STAB2: variants seen among roughly 807,000 people sequenced by gnomAD.
STAB2 encodes stabilin 2, also known as stabilin-2.
Under a neutral mutation model 338.1 loss-of-function variants are expected in STAB2, and 288 were observed. The observed-to-expected ratio is 0.85, with a 90% CI of 0.77 to 0.94. The LOEUF is 0.94. STAB2 is among the 40% of genes least tolerant of loss of function. The probability of loss-of-function intolerance (pLI) is 0.00; values close to 1 mark genes in which losing one functional copy is unlikely to be tolerated. For missense variants in STAB2, 3,141 were observed against 3,210.1 expected, an observed-to-expected ratio of 0.98 and a Z score of 0.52; for synonymous variants, 1,202 against 1,193.3, an observed-to-expected ratio of 1.01 and a Z score of -0.15.
chr12:103,736,918 G>C (rs1882176810), intron 52 of STAB2, among the ~76,000 whole-genome samples: 1 of 152,146 alleles, frequency 6.6e-6, no homozygotes, highest in South Asian at 2.1e-4. Flanking sequence ...TACTAGCTGG[G>C]TGACCTCAGG....
At chr12:103,708,344 G>C in intron 38 of STAB2, 97 bp from the exon 39 acceptor site, 10 of 1,195,848 alleles carry the variant, frequency 8.4e-6, no homozygotes, top group Non-Finnish European at 1.2e-5. Context: ...GAAGTAGGTT[G>C]GAGAATTAAG....
chr12:103,603,189 G>T (rs560143588), intron 3 of STAB2, among the ~76,000 whole-genome samples: 9 of 152,216 alleles, frequency 5.9e-5, no homozygotes, highest in African/African-American at 2.2e-4. Flanking sequence ...TCCTGTCTCA[G>T]CCTCCCGAGT....
chr12:103,705,523 A>G (rs1879268008), intron 36 of STAB2, 109 bp from the exon 37 acceptor site: 3 of 846,746 alleles, frequency 3.5e-6, no homozygotes, highest in Admixed American at 2.2e-5. Flanking sequence ...TTCTCTTCCC[A>G]CAACACTTTA....
At chr12:103,636,879 T>C (rs1343807349) in intron 6 of STAB2, among the ~76,000 whole-genome samples, 7 of 152,240 alleles carry the variant, frequency 4.6e-5, no homozygotes, top group Non-Finnish European at 5.9e-5. Context: ...GATTCTATTT[T>C]GTTACAAAAT....
chr12:103,690,569 G>T, intron 30 of STAB2, 31 bp downstream of exon 30: 1 of 1,571,168 alleles, frequency 6.4e-7, no homozygotes, highest in Non-Finnish European at 8.7e-7. Context: ...CTGTTTACTT[G>T]AAACATAACA....
rs781743024 is a variant in STAB2 at position 103,761,403 on chromosome 12, C to T, written c.7352C>T (p.Ala2451Val). 2 of 1,613,386 alleles carry T rather than the reference C, an allele frequency of 1.2e-6. No homozygotes were observed. Among genetic ancestry groups the T allele is most frequent in the Admixed American group, 1.7e-5 (1 of 60,018 alleles). The change falls in exon 66 of 69, where the codon GCC (alanine) becomes GTC (valine). Residue 2451 changes from alanine to valine, a missense_variant. By Grantham distance (64) the Ala-to-Val change is moderately conservative. Transcript: ENST00000388887. The stretch of plus-strand genomic sequence containing the variant: ...TCCAGGCCTTTAAAAGCACCCCCTG[C>T]CCCCGTGGTGAGTATCTAGGGTCCC... ...VISRPLKAPP[A>V]PVTLTHTGLG...
At chr12:103,675,239 A>G (rs1876227540) in intron 23 of STAB2, among the ~76,000 whole-genome samples, 1 of 152,224 alleles carries the variant, frequency 6.6e-6, no homozygotes, top group Non-Finnish European at 1.5e-5. Flanking sequence ...GGTTGAATAG[A>G]TGAATGAATG....
rs183710340 is a variant in STAB2 at position 103,723,553 on chromosome 12, A to G, written c.4684-1422A>G. Among the ~76,000 whole-genome samples, 320 of 152,328 alleles carry G rather than the reference A, an allele frequency of 2.1e-3. 3 individuals are homozygous for G. Among genetic ancestry groups the G allele is most frequent in the Non-Finnish European group, 1.0e-3 (71 of 68,034 alleles). The stretch of plus-strand genomic sequence containing the variant: ...GCAAACCGTAACATCATCTCTAGAG[A>G]GAGGGAAATTAAATGTACTGCAAAA... On this transcript the variant is annotated intron_variant, in intron 44 of 68. Transcript: ENST00000388887.
chr12:103,737,516 A>T (rs963733420), intron 52 of STAB2, 118 bp from the exon 53 acceptor site: 7 of 1,097,376 alleles, frequency 6.4e-6, no homozygotes, highest in Non-Finnish European at 8.9e-6. Context: ...TGAGTCTTGC[A>T]GTTACTGGCC....
chr12:103,674,189 T>C (rs1876115143), intron 23 of STAB2, 102 bp downstream of exon 23: 11 of 1,272,448 alleles, frequency 8.6e-6, no homozygotes, highest in Non-Finnish European at 1.1e-5. Context: ...CCAACCCATA[T>C]CTGAACTCTG....
chr12:103,750,412 G>A (rs1883522454), intron 59 of STAB2, among the ~76,000 whole-genome samples, 167 bp from the exon 60 acceptor site: 1 of 152,220 alleles, frequency 6.6e-6, no homozygotes, highest in South Asian at 2.1e-4. Flanking sequence ...TTCATCATAA[G>A]CCTGCATAAA....
chr12:103,599,962 T>C (rs1956930654), intron 3 of STAB2, among the ~76,000 whole-genome samples: 1 of 152,252 alleles, frequency 6.6e-6, no homozygotes, highest in Non-Finnish European at 1.5e-5. Flanking sequence ...ACTCAAATTC[T>C]TAAGTTAGGC....
At chr12:103,666,179 G>A in intron 18 of STAB2, 112 bp from the exon 19 acceptor site, 1 of 1,039,770 alleles carries the variant, frequency 9.6e-7, no homozygotes, top group East Asian at 2.4e-5. Flanking sequence ...CCAGGATCAT[G>A]GCTCAGTGGG....
At chr12:103,689,207 G>A (rs1877704293) in intron 28 of STAB2, among the ~76,000 whole-genome samples, 1 of 152,170 alleles carries the variant, frequency 6.6e-6, no homozygotes, top group Non-Finnish European at 1.5e-5. Context: ...AGGTGGCTGG[G>A]CGCAGTGGCT....
chr12:103,620,421 T>C (rs911115255), intron 3 of STAB2, 47 bp from the exon 4 acceptor site: 1 of 1,514,198 alleles, frequency 6.6e-7, no homozygotes, highest in Non-Finnish European at 9.0e-7. Context: ...TGCAGAATGC[T>C]TGTGTGCAGT....
chr12:103,624,198 G>A (rs1957346398), intron 5 of STAB2, among the ~76,000 whole-genome samples: 2 of 152,184 alleles, frequency 1.3e-5, no homozygotes, highest in African/African-American at 4.8e-5. Flanking sequence ...AATCCATAAG[G>A]TCCTCTTAGG....
In STAB2 at chr12:103,654,928, A is replaced by T. The variant is rs1173352713; in HGVS notation, c.1551+230A>T. On this transcript the variant is annotated intron_variant, in intron 13 of 68. Transcript: ENST00000388887. ...GTGGGAAAGATCTGGATTTTTTTTTACCTCTTTTATTACTGCATCAGGCAA... is the reference window on the plus strand; with the variant it reads ...GTGGGAAAGATCTGGATTTTTTTTTTCCTCTTTTATTACTGCATCAGGCAA... 14 of 564,040 alleles carry T rather than the reference A, an allele frequency of 2.5e-5. No homozygotes were observed. In the East Asian group the frequency reaches 4.0e-4, roughly 16 times the overall value. 34.9% of individuals were successfully genotyped at this position (564,040 alleles called of 1,614,324 possible).
Position 103,695,738 on chromosome 12 carries a change from A to C in STAB2, c.3476A>C (p.Gln1159Pro), listed in dbSNP as rs1278916104. 3 of 1,614,228 alleles carry C rather than the reference A, an allele frequency of 1.9e-6. No individual in the cohort carries two copies. The Admixed American group carries it at 5.0e-5, about 27-fold the overall frequency. The change falls in exon 33 of 69, where the codon CAA becomes CCA. Residue 1159 changes from glutamine (Q) to proline (P), a missense_variant and splice_region_variant. Gln to Pro is a moderately conservative substitution (Grantham distance 76). Coordinates refer to ENST00000388887, the MANE Select transcript of STAB2 (RefSeq NM_017564.10). ...CACTCTTGTCTCTTTCCATCGCAGC[A>C]ATATAATCTGGCGAATGCAATTGAG... ...DYSIFRGYIIQYNLANAIEAA... is the reference protein window; with the variant it reads ...DYSIFRGYIIPYNLANAIEAA...
In STAB2 at chr12:103,724,898, T is replaced by C. The variant is rs114615262; in HGVS notation, c.4684-77T>C. The C allele has an allele frequency of 1.5e-3, 2,328 of 1,573,940 alleles. 42 individuals are homozygous for C. In the African/African-American group the frequency reaches 0.028, roughly 19 times the overall value. On this transcript the variant is annotated intron_variant, in intron 44 of 68. Transcript: ENST00000388887. Reference sequence around the variant, plus strand: ...ACAAAAAATGAATTCAAACGCAGAATTGCTTTGTAAATATCGGTAGAGCTG... The same window carrying C: ...ACAAAAAATGAATTCAAACGCAGAACTGCTTTGTAAATATCGGTAGAGCTG...
Sources: allele counts gnomAD v4.1 joint callset (sites outside exome capture counted in the v4.1 genomes callset), GRCh38; gene constraint gnomAD v4.1.1; transcripts MANE v1.5; gene names NCBI Gene and HGNC (gene_info 2026-07-23, HGNC 2026-07-21).